MBOAT2: variants seen among roughly 807,000 people sequenced by gnomAD.
MBOAT2 encodes the protein membrane bound glycerophospholipid O-acyltransferase 2.
Under a neutral mutation model 63.4 loss-of-function variants are expected in MBOAT2, and 28 were observed. That is an observed-to-expected ratio of 0.44 (90% CI 0.33 to 0.61). MBOAT2 has a LOEUF of 0.61. Among genes scored for constraint, MBOAT2 ranks in the 20% least tolerant of loss-of-function variants. MBOAT2 has a pLI of 0.03. For missense variants in MBOAT2, 470 were observed against 605.8 expected, an observed-to-expected ratio of 0.78 and a Z score of 2.35; for synonymous variants, 211 against 215.6, an observed-to-expected ratio of 0.98 and a Z score of 0.19.
intron 1 of MBOAT2, among the ~76,000 whole-genome samples, chr2:8,990,600 C>T (rs1015951191): frequency 9.2e-5 from 14 of 152,018 alleles, no homozygotes; most frequent in African/African-American, 3.4e-4. Flanking sequence ...TGCCAAAAAC[C>T]TTCTTGGAAT....
rs1256633766 is a variant in MBOAT2, at chr2:8,858,891, A to G, written c.1351T>C (p.Cys451Arg). Residue 451 changes from cysteine to arginine, a missense_variant, in exon 13 of 13, where the codon TGC (cysteine) becomes CGC (arginine). By Grantham distance (180) the Cys-to-Arg change is radical. This residue lies in a region of MBOAT2 where 90 missense variants were observed against 84.9 expected (regional missense o/e 1.06). Transcript: ENST00000305997. ...ACTAAGATACCAAGAATGTGCAGGC[A>G]ATAATACCAGGAGCTAAAAGAAAAA... Reference protein sequence around the residue: ...SLTFYSSWYYCLHILGILVLL... With the variant: ...SLTFYSSWYYRLHILGILVLL... The G allele has an allele frequency of 1.2e-6, 2 of 1,606,008 alleles. No individual in the cohort carries two copies. The highest frequency in any genetic ancestry group is 2.2e-5 in the East Asian group (1 of 44,806).
At chr2:8,969,312 A>G (rs1471167573) in intron 1 of MBOAT2, among the ~76,000 whole-genome samples, 1 of 152,176 alleles carries the variant, frequency 6.6e-6, no homozygotes, top group African/African-American at 2.4e-5. Flanking sequence ...TTTACAGACA[A>G]GCAAATGCTG....
intron 2 of MBOAT2, among the ~76,000 whole-genome samples, chr2:8,944,049 A>T (rs1158089417): frequency 6.6e-6 from 1 of 151,858 alleles, no homozygotes; most frequent in Non-Finnish European, 1.5e-5. Context: ...ATTTTTGGTA[A>T]AGACAGGGTT....
At chr2:8,912,420 G>GAAAGAAAGAAAGA (rs1553362525) in intron 3 of MBOAT2, among the ~76,000 whole-genome samples, 1 of 130,838 alleles carries the variant, frequency 7.6e-6, no homozygotes, top group Non-Finnish European at 1.7e-5. Flanking sequence ...AGAAAGACAG[G>GAAAGAAAGAAAGA]CCGGCCGGCC....
At chr2:8,927,640 C>G (rs1667024176) in intron 3 of MBOAT2, among the ~76,000 whole-genome samples, 3 of 152,044 alleles carry the variant, frequency 2.0e-5, no homozygotes, top group Admixed American at 2.0e-4. Context: ...GATAAGGGCA[C>G]AGGCAGGAGG....
At chr2:8,895,745 C>A (rs1195986591) in intron 4 of MBOAT2, among the ~76,000 whole-genome samples, 2 of 152,118 alleles carry the variant, frequency 1.3e-5, no homozygotes, top group Non-Finnish European at 2.9e-5. Flanking sequence ...TAGTGTCCTC[C>A]AGAAAAGTTG....
At chr2:8,939,893 A>G (rs1037985331) in intron 3 of MBOAT2, among the ~76,000 whole-genome samples, 2 of 152,206 alleles carry the variant, frequency 1.3e-5, no homozygotes, top group Non-Finnish European at 2.9e-5. Context: ...CTTTAACAGC[A>G]ATAGTTTTTC....
chr2:8,889,246 C>T (rs1027374114), intron 4 of MBOAT2, among the ~76,000 whole-genome samples: 1 of 152,200 alleles, frequency 6.6e-6, no homozygotes, highest in Non-Finnish European at 1.5e-5. Context: ...TGCTGCCTCT[C>T]GCAAACAGAG....
At chr2:8,988,480 T>C (rs1181088661) in intron 1 of MBOAT2, among the ~76,000 whole-genome samples, 2 of 152,164 alleles carry the variant, frequency 1.3e-5, no homozygotes, top group African/African-American at 4.8e-5. Context: ...AAAAATACAA[T>C]ACTATAACTG....
In MBOAT2 at chr2:8,985,184, GAGTT is replaced by G. The variant is rs200360830; in HGVS notation, c.75+18352_75+18355del. 6.9e-3 allele frequency among the ~76,000 whole-genome samples: 1,055 copies of G among 152,244 alleles called. 3 individuals carry two copies. The highest frequency in any genetic ancestry group is 0.012 in the Admixed American group (185 of 15,294). On this transcript the variant is annotated intron_variant, in intron 1 of 12. Coordinates refer to ENST00000305997, the MANE Select transcript of MBOAT2 (RefSeq NM_138799.4). ...CTGCTCAACTGGCTATATTAGCTGAGAGTTAGGTCAGACACAGACAGGTCACACT... is the reference window on the plus strand; with the variant it reads ...CTGCTCAACTGGCTATATTAGCTGAGAGGTCAGACACAGACAGGTCACACT...
chr2:8,943,635 G>T (rs1668207142), intron 2 of MBOAT2, among the ~76,000 whole-genome samples: 1 of 152,090 alleles, frequency 6.6e-6, no homozygotes, highest in South Asian at 2.1e-4. Context: ...CAGAACATCG[G>T]TTGTTTCCCC....
intron 3 of MBOAT2, among the ~76,000 whole-genome samples, chr2:8,941,784 C>T (rs1219402460): frequency 6.6e-6 from 1 of 152,160 alleles, no homozygotes; most frequent in African/African-American, 2.4e-5. Context: ...TAAAGTATTA[C>T]AAAGTTAACT....
intron 1 of MBOAT2, among the ~76,000 whole-genome samples, chr2:8,970,442 A>G (rs927280567): frequency 4.6e-5 from 7 of 152,230 alleles, no homozygotes; most frequent in African/African-American, 1.7e-4. Flanking sequence ...TTGACACCCT[A>G]ACATCACAAT....
chr2:8,966,650 T>C (rs1279959862), intron 1 of MBOAT2, among the ~76,000 whole-genome samples: 1 of 152,200 alleles, frequency 6.6e-6, no homozygotes, highest in East Asian at 1.9e-4. Flanking sequence ...TTTTACATCT[T>C]TATGAGATAA....
At chr2:8,889,980 G>A (rs1330648765) in intron 4 of MBOAT2, among the ~76,000 whole-genome samples, 1 of 152,046 alleles carries the variant, frequency 6.6e-6, no homozygotes, top group African/African-American at 2.4e-5. Context: ...GGACGGGTAA[G>A]GTGTGGCTGG....
intron 1 of MBOAT2, among the ~76,000 whole-genome samples, chr2:8,967,827 A>T (rs1478436883): frequency 6.6e-6 from 1 of 152,204 alleles, no homozygotes; most frequent in Non-Finnish European, 1.5e-5. Context: ...AAAAAATTAG[A>T]TACAACTTCA....
chr2:8,864,064 T>C (rs977684635), intron 10 of MBOAT2, 106 bp downstream of exon 10: 20 of 733,208 alleles, frequency 2.7e-5, no homozygotes, highest in Non-Finnish European at 4.4e-5. Context: ...GAGGTCACAA[T>C]GTCACTCAAC....
chr2:8,898,377 C>T (rs1044991247), intron 4 of MBOAT2, among the ~76,000 whole-genome samples: 1 of 152,210 alleles, frequency 6.6e-6, no homozygotes, highest in African/African-American at 2.4e-5. Context: ...ACCCCCGCAA[C>T]TGTTTTAATG....
At chr2:8,914,526 C>T (rs1429551939) in intron 3 of MBOAT2, among the ~76,000 whole-genome samples, 1 of 150,346 alleles carries the variant, frequency 6.7e-6, no homozygotes, top group Non-Finnish European at 1.5e-5. Context: ...TTGTGAGAAT[C>T]AACGAGCTAT....
Sources: gnomAD v4.1 joint callset for allele counts (sites outside exome capture counted in the v4.1 genomes callset) on GRCh38, gnomAD v4.1.1 for gene constraint, gnomAD v4.1.1 regional missense constraint, MANE v1.5 for transcripts, NCBI Gene and HGNC (gene_info 2026-07-23, HGNC 2026-07-21) for gene names.